Variants in CCNJL observed in about 807,000 individuals in gnomAD.
The protein encoded by CCNJL is cyclin J like.
Under a neutral mutation model 33.4 loss-of-function variants are expected in CCNJL, and 33 were observed. The observed-to-expected ratio is 0.99, with a 90% CI of 0.75 to 1.32. CCNJL has a LOEUF of 1.32. Ranked by LOEUF, CCNJL falls within the 40% of genes most tolerant of loss-of-function variation. The pLI, the probability that CCNJL is intolerant of heterozygous loss-of-function variation, is 0.00. For synonymous variants in CCNJL, 227 were observed against 220.9 expected, an observed-to-expected ratio of 1.03 and a Z score of -0.24; for missense variants, 512 against 499.7, an observed-to-expected ratio of 1.02 and a Z score of -0.23.
chr5:160,308,604 G>A (rs12653230), intron 2 of CCNJL, among the ~76,000 whole-genome samples: 39,718 of 151,984 alleles, frequency 0.26, 5,366 homozygotes, highest in South Asian at 0.28. Context: ...CTAAAAATAC[G>A]AAAATTAGCT....
intron 5 of CCNJL, 22 bp from the exon 6 acceptor site, chr5:160,253,820 G>A (rs760050652): frequency 2.0e-6 from 3 of 1,491,940 alleles, no homozygotes; most frequent in East Asian, 2.3e-5. Context: ...AGACCTGGGT[G>A]AGAACTGGAG....
At chr5:160,299,293 G>A (rs888973118) in intron 2 of CCNJL, among the ~76,000 whole-genome samples, 2 of 152,124 alleles carry the variant, frequency 1.3e-5, no homozygotes, top group South Asian at 4.1e-4. Flanking sequence ...GGGATTACAC[G>A]TGCCTGCCAA....
intron 2 of CCNJL, among the ~76,000 whole-genome samples, chr5:160,286,674 T>C (rs1460369368): frequency 6.6e-6 from 1 of 151,998 alleles, no homozygotes; most frequent in Non-Finnish European, 1.5e-5. Flanking sequence ...GGAAAAGTTA[T>C]GGACCACTGG....
intron 3 of CCNJL, among the ~76,000 whole-genome samples, chr5:160,279,893 C>T (rs1044797620): frequency 1.3e-5 from 2 of 152,144 alleles, no homozygotes; most frequent in Non-Finnish European, 2.9e-5. Context: ...GGAGATCATC[C>T]GAGTAGCAGC....
At chr5:160,314,370 G>A (rs1763353286), upstream of CCNJL, among the ~76,000 whole-genome samples, 1 of 152,084 alleles carries the variant, frequency 6.6e-6, no homozygotes. Flanking sequence ...CACTTTGTTG[G>A]GACAAGTATA....
At chr5:160,312,143 C>T (rs552844211) in intron 1 of CCNJL, among the ~76,000 whole-genome samples, 171 bp from the exon 2 acceptor site, 21 of 152,350 alleles carry the variant, frequency 1.4e-4, no homozygotes, top group African/African-American at 4.8e-4. Context: ...TGCCCCCTCC[C>T]CTCTGCTCGC....
intron 2 of CCNJL, among the ~76,000 whole-genome samples, chr5:160,293,373 G>A (rs188177664): frequency 0.013 from 1,923 of 152,220 alleles, 15 homozygotes; most frequent in Non-Finnish European, 0.02. Context: ...GTTGCAGTGG[G>A]CTGCATTCCA....
At chr5:160,310,496 C>G (rs1763227349) in intron 2 of CCNJL, among the ~76,000 whole-genome samples, 1 of 152,164 alleles carries the variant, frequency 6.6e-6, no homozygotes, top group Non-Finnish European at 1.5e-5. Context: ...ACCCTTTAAG[C>G]AGAACTCCTC....
chr5:160,261,714 C>T (rs535834581), intron 3 of CCNJL, among the ~76,000 whole-genome samples: 2 of 152,280 alleles, frequency 1.3e-5, no homozygotes, highest in African/African-American at 4.8e-5. Context: ...TCCCCTCACC[C>T]CCCTTATCGG....
chr5:160,274,026 T>C (rs1390303066), intron 3 of CCNJL, among the ~76,000 whole-genome samples: 1 of 152,134 alleles, frequency 6.6e-6, no homozygotes, highest in Non-Finnish European at 1.5e-5. Flanking sequence ...TGTATATCCA[T>C]GGAACAATTC....
chr5:160,326,174 A>G (rs1480761400), intron 1 of CCNJL, among the ~76,000 whole-genome samples: 1 of 152,150 alleles, frequency 6.6e-6, no homozygotes, highest in Non-Finnish European at 1.5e-5. Context: ...CTAACACAAT[A>G]TGAAAGCCAT....
At chr5:160,326,931 A>C in intron 1 of CCNJL, 1 of 640,814 alleles carries the variant, frequency 1.6e-6, no homozygotes, top group South Asian at 1.4e-5. Context: ...GGATCATGCT[A>C]AAAGGACATA....
chr5:160,303,502 G>A (rs796672951), intron 2 of CCNJL, among the ~76,000 whole-genome samples: 19 of 150,386 alleles, frequency 1.3e-4, no homozygotes, highest in African/African-American at 4.2e-4. Flanking sequence ...CACTGCACTC[G>A]GCCGGTATTT....
chr5:160,258,212 A>G (rs1761154349), intron 4 of CCNJL: 1 of 592,538 alleles, frequency 1.7e-6, no homozygotes, highest in Admixed American at 2.5e-5. Context: ...TTGTATCAAC[A>G]GTATTTTTTT....
At chr5:160,289,229 GCCCC>G (rs1762507508) in intron 2 of CCNJL, among the ~76,000 whole-genome samples, 1 of 152,136 alleles carries the variant, frequency 6.6e-6, no homozygotes, top group African/African-American at 2.4e-5. Context: ...ACTGTCCCCT[GCCCC>G]CCACAGAAGG....
chr5:160,266,146 G>A (rs73817362), intron 3 of CCNJL, among the ~76,000 whole-genome samples: 1,821 of 152,342 alleles, frequency 0.012, 34 homozygotes, highest in African/African-American at 0.041. Flanking sequence ...TCCCAGGTGG[G>A]GCCTGACATC....
At chr5:160,298,698 G>A (rs62377478) in intron 2 of CCNJL, among the ~76,000 whole-genome samples, 328 of 147,924 alleles carry the variant, frequency 2.2e-3, no homozygotes, top group Non-Finnish European at 3.5e-3. Context: ...CTGAGGAAGC[G>A]ATGGACAACA....
At chr5:160,302,404 T>C (rs1437194763) in intron 2 of CCNJL, among the ~76,000 whole-genome samples, 2 of 152,222 alleles carry the variant, frequency 1.3e-5, no homozygotes, top group African/African-American at 4.8e-5. Flanking sequence ...TTGTTCAATA[T>C]AAATTTCCTG....
intron 3 of CCNJL, among the ~76,000 whole-genome samples, chr5:160,267,497 T>C (rs911974537): frequency 1.3e-5 from 2 of 152,216 alleles, no homozygotes; most frequent in Non-Finnish European, 2.9e-5. Context: ...ATAGCTTTTG[T>C]GTATTTTAAA....
Sources: gnomAD v4.1 joint callset for allele counts (sites outside exome capture counted in the v4.1 genomes callset) on GRCh38, gnomAD v4.1.1 for gene constraint, MANE v1.5 for transcripts, NCBI Gene and HGNC (gene_info 2026-07-23, HGNC 2026-07-21) for gene names.